NCOR2: variants seen among roughly 807,000 people sequenced by gnomAD.
NCOR2 encodes the protein nuclear receptor corepressor 2, also known as CTG repeat protein 26.
Under a neutral mutation model 262.9 loss-of-function variants are expected in NCOR2, and 81 were observed. The ratio of observed to expected loss-of-function variants is 0.31; its 90% CI spans 0.26 to 0.37. The LOEUF is 0.37. Among genes scored for constraint, NCOR2 ranks in the 10% least tolerant of loss-of-function variants. The pLI is 1.00. For missense variants in NCOR2, 3,385 were observed against 3,621.4 expected, an observed-to-expected ratio of 0.93 and a Z score of 1.68; for synonymous variants, 1,659 against 1,559.3, an observed-to-expected ratio of 1.06 and a Z score of -1.51.
intron 1 of NCOR2, among the ~76,000 whole-genome samples, chr12:124,493,784 C>T (rs1385610788): frequency 6.6e-6 from 1 of 152,162 alleles, no homozygotes; most frequent in Non-Finnish European, 1.5e-5. Context: ...CCCAGGCACG[C>T]AGTAGGTGCT....
At chr12:124,348,140 G>A (rs1030013444) in intron 29 of NCOR2, 34 bp downstream of exon 31, 21 of 1,605,062 alleles carry the variant, frequency 1.3e-5, no homozygotes, top group Non-Finnish European at 1.8e-5. Flanking sequence ...CCACCAGGGG[G>A]CACCGAGAGA....
Position 124,504,435 on chromosome 12 carries a change from C to T in NCOR2, c.-117-9067G>A, listed in dbSNP as rs114095640. On this transcript the variant is annotated intron_variant, in intron 1 of 46. Transcript: ENST00000404621. The surrounding 1 kb of genome is among the most constrained non-coding windows in gnomAD (Gnocchi z 4.5). ...CCTAATGAGGGCTGCTCACACATTG[C>T]GGGTGGGAATGTCAGATGTGCAGTG... Among the ~76,000 whole-genome samples, 601 of 152,220 alleles carry T rather than the reference C, an allele frequency of 3.9e-3. 8 individuals are homozygous for T. The highest frequency in any genetic ancestry group is 0.014 in the African/African-American group (575 of 41,534).
At chr12:124,455,281 G>A (rs986087070) in intron 6 of NCOR2, among the ~76,000 whole-genome samples, 2 of 152,208 alleles carry the variant, frequency 1.3e-5, no homozygotes, top group African/African-American at 4.8e-5. Context: ...AAACAAGCAA[G>A]CAGCAGCTGC....
intron 13 of NCOR2, among the ~76,000 whole-genome samples, chr12:124,413,923 C>A (rs1025442589): frequency 6.6e-6 from 1 of 151,198 alleles, no homozygotes. Flanking sequence ...GGTACTGAGC[C>A]CCCCCCACCC....
At chr12:124,335,666 G>T in intron 38 of NCOR2, 34 bp from the exon 41 acceptor site, 1 of 1,569,328 alleles carries the variant, frequency 6.4e-7, no homozygotes, top group Non-Finnish European at 8.6e-7. Context: ...GTCAGGCACC[G>T]GGCCCAGGGT....
At chr12:124,360,037 G>A (rs564236243) in intron 22 of NCOR2, among the ~76,000 whole-genome samples, 18 of 152,340 alleles carry the variant, frequency 1.2e-4, no homozygotes, top group South Asian at 1.0e-3. Flanking sequence ...TGCCAGCCGC[G>A]GGAACTGCTG....
In NCOR2 at chr12:124,457,229, G is replaced by C. The variant is rs575249701; in HGVS notation, c.706-67C>G. ...AAAAAAACACAGATTATAAATAGAG[G>C]CTTCCCGGAGCAGCGGGCACCTGCC... On this transcript the variant is annotated intron_variant, in intron 5 of 46. Transcript: ENST00000405201. The surrounding 1 kb of genome is among the most constrained non-coding windows in gnomAD (Gnocchi z 4.0). 1 of 1,462,854 alleles carries C rather than the reference G, an allele frequency of 6.8e-7. No individual in the cohort carries two copies. The highest frequency in any genetic ancestry group is 2.9e-5 in the Admixed American group (1 of 34,904). 90.6% of individuals were successfully genotyped at this position (1,462,854 alleles called of 1,614,324 possible).
intron 13 of NCOR2, among the ~76,000 whole-genome samples, chr12:124,418,081 C>T (rs947161944): frequency 5.9e-5 from 9 of 151,518 alleles, no homozygotes; most frequent in African/African-American, 2.2e-4. Flanking sequence ...AAAAACAAAT[C>T]CCAAAAAAAC....
intron 16 of NCOR2, among the ~76,000 whole-genome samples, chr12:124,392,629 T>A (rs1235247390): frequency 6.6e-6 from 1 of 152,172 alleles, no homozygotes; most frequent in Non-Finnish European, 1.5e-5. Flanking sequence ...CTCTGGCAGC[T>A]TTGTGCGGCA....
intron 18 of NCOR2, among the ~76,000 whole-genome samples, chr12:124,376,997 A>AC (rs2040056124): frequency 6.6e-6 from 1 of 151,766 alleles, no homozygotes; most frequent in Non-Finnish European, 1.5e-5. Flanking sequence ...AGCAGTCTAG[A>AC]CCCCCAGCTT....
chr12:124,503,996 G>A lies in NCOR2; in HGVS notation c.-117-8628C>T, dbSNP rs915714667. Among the ~76,000 whole-genome samples, 1 of 152,120 alleles carries A rather than the reference G, an allele frequency of 6.6e-6. No homozygotes were observed. Among genetic ancestry groups the A allele is most frequent in the Non-Finnish European group, 1.5e-5 (1 of 68,022 alleles). ...CCAAACCCATATAACTGCTCCCCAAGTCCCAGCCTGCTGAGTAAGAAGGAC... is the reference window on the plus strand; with the variant it reads ...CCAAACCCATATAACTGCTCCCCAAATCCCAGCCTGCTGAGTAAGAAGGAC... On this transcript the variant is annotated intron_variant, in intron 1 of 46. Transcript: ENST00000404621. This position sits in a 1 kb window ranked among gnomAD's most constrained non-coding sequence, Gnocchi z 4.3.
At chr12:124,431,274 GAC>G (rs1411415942) in intron 8 of NCOR2, among the ~76,000 whole-genome samples, 3 of 150,440 alleles carry the variant, frequency 2.0e-5, no homozygotes, top group Admixed American at 1.3e-4. Flanking sequence ...CACACAGGCA[GAC>G]ACACAGACAC....
chr12:124,396,807 C>T (rs1038133201), intron 16 of NCOR2, among the ~76,000 whole-genome samples: 1 of 152,130 alleles, frequency 6.6e-6, no homozygotes, highest in Non-Finnish European at 1.5e-5. Flanking sequence ...CAGTGGAGGA[C>T]GGGGCCGGGC....
At chr12:124,484,012 C>T (rs893153162) in intron 2 of NCOR2, among the ~76,000 whole-genome samples, 4 of 152,124 alleles carry the variant, frequency 2.6e-5, no homozygotes, top group Non-Finnish European at 4.4e-5. Flanking sequence ...GAGTGTGCTA[C>T]GGTGGCACTG....
chr12:124,494,509 C>T (rs1276231098), intron 1 of NCOR2, among the ~76,000 whole-genome samples: 5 of 152,314 alleles, frequency 3.3e-5, no homozygotes, highest in Non-Finnish European at 7.4e-5. Flanking sequence ...GGGTGGGGTG[C>T]GGCTTAGGAG....
intron 13 of NCOR2, among the ~76,000 whole-genome samples, chr12:124,412,492 G>A (rs1004900239): frequency 2.6e-5 from 4 of 152,252 alleles, no homozygotes; most frequent in Non-Finnish European, 4.4e-5. Flanking sequence ...TTCTAGAAGG[G>A]GCTGGCTGCC....
chr12:124,374,015 C>A (rs984811460), intron 19 of NCOR2, among the ~76,000 whole-genome samples: 1 of 152,192 alleles, frequency 6.6e-6, no homozygotes. Flanking sequence ...CCAAGGATGG[C>A]AAGGAGAGCC....
chr12:124,506,319 C>A (rs2049035089), intron 1 of NCOR2, among the ~76,000 whole-genome samples: 2 of 152,264 alleles, frequency 1.3e-5, no homozygotes, highest in African/African-American at 4.8e-5. Flanking sequence ...AGGCGCCCGC[C>A]CTCAGTGAAC....
chr12:124,429,193 CAGGCTCTGGGCCCTGGA>C (rs1485960843), intron 10 of NCOR2, among the ~76,000 whole-genome samples: 2 of 152,224 alleles, frequency 1.3e-5, no homozygotes, highest in Non-Finnish European at 2.9e-5. Context: ...CCCACCCTGC[CAGGCTCTGGGCCCTGGA>C]AGGCTGACCC....
Sources: gnomAD v4.1 joint callset for allele counts (sites outside exome capture counted in the v4.1 genomes callset) on GRCh38, gnomAD v4.1.1 for gene constraint, Gnocchi (gnomAD v3.1) non-coding constraint, MANE v1.5 for transcripts, NCBI Gene and HGNC (gene_info 2026-07-23, HGNC 2026-07-21) for gene names.